ECT2: variants seen among roughly 807,000 people sequenced by gnomAD.
The protein encoded by ECT2 is protein ECT2.
In ECT2, 61 loss-of-function variants were observed where a neutral mutation model predicts 116.9. The observed-to-expected ratio is 0.52, with a 90% CI of 0.42 to 0.65. ECT2 has a LOEUF of 0.65. Ranked by LOEUF, ECT2 falls within the 30% of genes least tolerant of loss-of-function variation. The pLI is 0.00. For missense variants in ECT2, 937 were observed against 1,078.7 expected (o/e 0.87, Z 1.84); for synonymous variants, 358 against 346.4 (o/e 1.03, Z -0.37).
intron 12 of ECT2, 72 bp from the exon 13 acceptor site, chr3:172,768,935 T>A (rs1318627200): frequency 1.4e-6 from 2 of 1,401,776 alleles, no homozygotes; most frequent in South Asian, 1.7e-5. Context: ...CCTTTTTATC[T>A]TGTTAAGTCT....
chr3:172,767,497 A>C (rs1051559596), intron 12 of ECT2, among the ~76,000 whole-genome samples: 1 of 152,220 alleles, frequency 6.6e-6, no homozygotes, highest in African/African-American at 2.4e-5. Context: ...AAAAGCATTT[A>C]AAATTGTTTA....
intron 17 of ECT2, 57 bp downstream of exon 17, chr3:172,784,860 C>CA (rs1723334632): frequency 9.4e-6 from 10 of 1,061,126 alleles, no homozygotes; most frequent in Non-Finnish European, 5.4e-6. Flanking sequence ...TTGTTTTTTC[C>CA]AAAAAAGATG....
chr3:172,780,426 T>C (rs4459929), intron 14 of ECT2, among the ~76,000 whole-genome samples: 72,932 of 152,112 alleles, frequency 0.48, 19,966 homozygotes, highest in East Asian at 0.69. Context: ...TGCAGATCCA[T>C]GTGGACATGT....
rs527276008 is a variant in ECT2 at position 172,800,767 on chromosome 3, T to C, written c.1908-1849T>C. ...TGCTTCCTTTTTCTTTAAAGTCTTA[T>C]ATGCTTTCCTTTTGTACTTTCCTAC... On this transcript the variant is annotated intron_variant, in intron 18 of 24. Coordinates refer to ENST00000392692, the MANE Select transcript of ECT2 (RefSeq NM_001258315.2). Among the ~76,000 whole-genome samples, 8 of 152,304 alleles carry C rather than the reference T, an allele frequency of 5.3e-5. No homozygotes were observed. The East Asian group carries it at 9.6e-4, about 18-fold the overall frequency.
chr3:172,766,532 G>A (rs180928296), intron 12 of ECT2, among the ~76,000 whole-genome samples: 182 of 152,252 alleles, frequency 1.2e-3, no homozygotes, highest in Non-Finnish European at 2.3e-3. Flanking sequence ...GAAATAATAA[G>A]GTGCTGAACC....
intron 18 of ECT2, among the ~76,000 whole-genome samples, chr3:172,791,384 T>A (rs909750947): frequency 1.3e-5 from 2 of 152,220 alleles, no homozygotes; most frequent in Non-Finnish European, 2.9e-5. Context: ...TCTCTCTAGC[T>A]GTGAAAGTCC....
intron 18 of ECT2, among the ~76,000 whole-genome samples, chr3:172,795,672 A>T (rs1725510611): frequency 6.6e-6 from 1 of 152,210 alleles, no homozygotes; most frequent in Admixed American, 6.5e-5. Context: ...GAATCTAGGC[A>T]TAATTGCTAA....
Position 172,815,658 on chromosome 3 carries a change from A to G in ECT2, c.2455A>G (p.Met819Val), listed in dbSNP as rs774010962. ...ATCCTTTGAAGTAAATACAAAAGAT[A>G]TGGACAGTACATTGAGTAGAGCATC... ...PESFEVNTKD[M>V]DSTLSRASRA... The change falls in exon 23 of 25, where the codon ATG (methionine) becomes GTG (valine). Residue 819 changes from methionine to valine, a missense_variant. Transcript: ENST00000392692. 1.2e-6 allele frequency: 2 copies of G among 1,606,074 alleles called. No individual in the cohort carries two copies. Among genetic ancestry groups the G allele is most frequent in the Non-Finnish European group, 1.7e-6 (2 of 1,176,780 alleles).
At chr3:172,775,387 T>G (rs951744398) in intron 14 of ECT2, among the ~76,000 whole-genome samples, 4 of 152,170 alleles carry the variant, frequency 2.6e-5, no homozygotes, top group Admixed American at 2.6e-4. Flanking sequence ...TACCAATTGC[T>G]TGTATTTTGT....
chr3:172,773,826 C>A, intron 13 of ECT2, 77 bp from the exon 14 acceptor site: 1 of 1,395,022 alleles, frequency 7.2e-7, no homozygotes, highest in Non-Finnish European at 9.9e-7. Flanking sequence ...TATCTTGTGT[C>A]TCCTTTATCA....
At chr3:172,828,334 C>CTGTGTGTGTGTG in the ECT2 span, among the ~76,000 whole-genome samples, 25,428 of 150,094 alleles carry the variant, frequency 0.17, 2,299 homozygotes, top group Non-Finnish European at 0.19. Context: ...TACCAACAGG[C>CTGTGTGTGTGTG]TGTGTGTGTG....
At chr3:172,804,894 T>G (rs961194988) in intron 20 of ECT2, among the ~76,000 whole-genome samples, 1 of 151,944 alleles carries the variant, frequency 6.6e-6, no homozygotes, top group Admixed American at 6.6e-5. Context: ...TCTATTGATT[T>G]TTTTTTTGTT....
rs13101063 is a variant in ECT2 at position 172,809,595 on chromosome 3, A to G, written c.2400+1671A>G. Among the ~76,000 whole-genome samples the G allele has an allele frequency of 2.5e-4, 36 of 146,232 alleles. No homozygotes were observed. The South Asian group carries it at 5.7e-3, about 23-fold the overall frequency. On this transcript the variant is annotated intron_variant, in intron 22 of 24. Coordinates refer to ENST00000392692, the MANE Select transcript of ECT2 (RefSeq NM_001258315.2). The stretch of plus-strand genomic sequence containing the variant: ...CACACACACACACACACACACACAC[A>G]CACGCACACACACACGTGAAAGATG...
chr3:172,825,140 G>C (rs1463658505), downstream of ECT2, among the ~76,000 whole-genome samples: 1 of 151,944 alleles, frequency 6.6e-6, no homozygotes, highest in African/African-American at 2.4e-5. Context: ...ATAACTTTTG[G>C]TGATCTGTGA....
chr3:172,798,641 A>G lies in ECT2; in HGVS notation c.1908-3975A>G, dbSNP rs546796128. Among the ~76,000 whole-genome samples, 3 of 152,298 alleles carry G rather than the reference A, an allele frequency of 2.0e-5. No individual in the cohort carries two copies. In the South Asian group the frequency reaches 6.2e-4, roughly 32 times the overall value. On this transcript the variant is annotated intron_variant, in intron 18 of 24. Transcript: ENST00000392692. ...ATGTTTTGTTTTCCAGACTTAAGAAAATCTCTCTCAAGCTATCTATAATTT... is the reference window on the plus strand; with the variant it reads ...ATGTTTTGTTTTCCAGACTTAAGAAGATCTCTCTCAAGCTATCTATAATTT...
Position 172,820,288 on chromosome 3 carries a change from A to AAT in ECT2, c.*53_*54dup. 2 of 1,315,136 alleles carry AAT rather than the reference A, an allele frequency of 1.5e-6. No individual in the cohort carries two copies. The highest frequency in any genetic ancestry group is 4.3e-5 in the Admixed American group (2 of 46,970). 81.5% of individuals were successfully genotyped at this position (1,315,136 alleles called of 1,614,324 possible). ...GAAATGTATAGACACCTCATACTCAAATAAGAAACTGACTTAAATGGTACT... is the reference window on the plus strand; with the variant it reads ...GAAATGTATAGACACCTCATACTCAAATATAAGAAACTGACTTAAATGGTACT... On this transcript the variant is annotated 3_prime_UTR_variant, in exon 25 of 25. Transcript: ENST00000392692.
At position 172,805,952 on chromosome 3, in the gene ECT2, T is replaced by A; in HGVS notation, c.2245+83T>A. The stretch of plus-strand genomic sequence containing the variant: ...TTAATTTACTCCATTTTGGCTTTTT[T>A]AAATTGGTAAATTATCTTTAAATAT... On this transcript the variant is annotated intron_variant, in intron 21 of 24. Transcript: ENST00000392692. The A allele has an allele frequency of 4.3e-6, 6 of 1,381,696 alleles. No individual in the cohort carries two copies. In the African/African-American group the frequency reaches 7.3e-5, roughly 17 times the overall value. 85.6% of individuals were successfully genotyped at this position (1,381,696 alleles called of 1,614,324 possible).
At chr3:172,772,466 G>A (rs1322586947) in intron 13 of ECT2, among the ~76,000 whole-genome samples, 1 of 152,206 alleles carries the variant, frequency 6.6e-6, no homozygotes, top group East Asian at 1.9e-4. Flanking sequence ...ACAGTGCTGG[G>A]ATTACATGCA....
downstream of ECT2, among the ~76,000 whole-genome samples, chr3:172,823,911 TC>T (rs1304857241): frequency 2.7e-5 from 4 of 145,668 alleles, no homozygotes; most frequent in Admixed American, 7.3e-5. Flanking sequence ...TATTTTTCTT[TC>T]TAAAACTTCT....
Sources: gnomAD v4.1 joint callset for allele counts (sites outside exome capture counted in the v4.1 genomes callset) on GRCh38, gnomAD v4.1.1 for gene constraint, MANE v1.5 for transcripts, NCBI Gene and HGNC (gene_info 2026-07-23, HGNC 2026-07-21) for gene names.